The following TNS1 variants were observed in gnomAD, a reference collection of about 807,000 sequenced individuals.
TNS1 encodes tensin 1, also known as tensin-1.
TNS1 carries 62 observed loss-of-function variants against 168.6 expected under a neutral mutation model. That is an observed-to-expected ratio of 0.37 (90% CI 0.30 to 0.45). TNS1 has a LOEUF of 0.45. Among genes scored for constraint, TNS1 ranks in the 20% least tolerant of loss-of-function variants. TNS1 has a pLI of 1.00. For synonymous variants in TNS1, 934 were observed against 933.2 expected (o/e 1.00, Z -0.02); for missense variants, 2,240 against 2,339.4 (o/e 0.96, Z 0.88).
intron 18 of TNS1, among the ~76,000 whole-genome samples, chr2:217,865,287 C>T (rs1949172437): frequency 6.6e-6 from 1 of 152,184 alleles, no homozygotes; most frequent in Non-Finnish European, 1.5e-5. Context: ...TAGGGCTAGG[C>T]TGAAAGTGAC....
At chr2:217,809,753 T>G in intron 30 of TNS1, 70 bp downstream of exon 30, 1 of 1,485,538 alleles carries the variant, frequency 6.7e-7, no homozygotes, top group Non-Finnish European at 9.2e-7. Flanking sequence ...GGTAAATGTG[T>G]GGGTACACGG....
chr2:217,884,112 C>T (rs4674221), intron 16 of TNS1, among the ~76,000 whole-genome samples: 34,094 of 122,406 alleles, frequency 0.28, 4,046 homozygotes, highest in Middle Eastern at 0.45. Context: ...CATACAGACA[C>T]ACAAGTGATG....
intron 20 of TNS1, 47 bp downstream of exon 20, chr2:217,835,968 G>T (rs368765753): frequency 1.1e-5 from 16 of 1,519,256 alleles, no homozygotes; most frequent in Non-Finnish European, 1.4e-5. Flanking sequence ...GATTTAAAGT[G>T]GGCACCACTA....
At chr2:217,987,009 A>C (rs2126073472) in intron 2 of TNS1, 1 of 152,292 alleles carries the variant, frequency 6.6e-6, no homozygotes, top group African/African-American at 2.4e-5. Context: ...GGCCCTCCCC[A>C]CTGTCAGGGC....
rs770996297 is a variant in TNS1, at chr2:217,808,684, C to T, written c.5274-13G>A. The T allele has an allele frequency of 8.1e-6, 13 of 1,613,720 alleles. No individual in the cohort carries two copies. In the Admixed American group the frequency reaches 2.0e-4, roughly 25 times the overall value. On this transcript the variant is annotated splice_polypyrimidine_tract_variant and intron_variant, in intron 30 of 32. Transcript: ENST00000682258. ...TCTGAAAAAGAGCCTGCAGCACAGA[C>T]ATCAGATAAACAGAGAATGAGTGCT...
At chr2:217,984,945 G>A (rs1423972108) in intron 2 of TNS1, among the ~76,000 whole-genome samples, 3 of 151,818 alleles carry the variant, frequency 2.0e-5, no homozygotes, top group African/African-American at 7.3e-5. Flanking sequence ...TCTAAGTAGA[G>A]AACGGGTTTC....
At chr2:217,973,165 G>C (rs1390182981) in intron 3 of TNS1, among the ~76,000 whole-genome samples, 1 of 151,938 alleles carries the variant, frequency 6.6e-6, no homozygotes, top group Admixed American at 6.6e-5. Flanking sequence ...ACCAGCCTGA[G>C]CAACATGGCG....
Position 217,813,944 on chromosome 2 carries a change from A to T in TNS1, c.4730-128T>A, listed in dbSNP as rs1941443919. On this transcript the variant is annotated intron_variant, in intron 25 of 32. Transcript: ENST00000682258. The surrounding 1 kb of genome is among the most constrained non-coding windows in gnomAD (Gnocchi z 4.0). ...GAGACAAATTTTCTTTAAAGTTAAA[A>T]TTTAACTACTCCTACGGGTCTTCCT... 3.5e-6 allele frequency: 4 copies of T among 1,157,702 alleles called. No individual in the cohort carries two copies. Among genetic ancestry groups the T allele is most frequent in the Non-Finnish European group, 4.6e-6 (4 of 865,396 alleles). The allele number at this position is 1,157,702 out of a possible 1,614,324, so 71.7% of individuals were successfully genotyped here.
chr2:217,979,912 T>G (rs1250915355), intron 2 of TNS1, among the ~76,000 whole-genome samples: 1 of 152,068 alleles, frequency 6.6e-6, no homozygotes, highest in African/African-American at 2.4e-5. Flanking sequence ...CCCCACCCCC[T>G]TCCAGCTTTG....
chr2:218,030,163 G>T (rs1958880558), intron 1 of TNS1, among the ~76,000 whole-genome samples: 2 of 152,128 alleles, frequency 1.3e-5, no homozygotes, highest in Non-Finnish European at 2.9e-5. Context: ...CACAGCATGT[G>T]TGCTAGGGCT....
At position 217,830,831 on chromosome 2, in the gene TNS1, C is replaced by T. The variant is rs114109290; in HGVS notation, c.3373+624G>A. The stretch of plus-strand genomic sequence containing the variant: ...GGTCCTTTGACAGTCAGGAGAAGAC[C>T]TGGGCTGAGGGCAAGGGGATCGAGG... On this transcript the variant is annotated intron_variant, in intron 22 of 32. Transcript: ENST00000682258. 8.0e-3 allele frequency among the ~76,000 whole-genome samples: 1,217 copies of T among 152,306 alleles called. 19 individuals carry two copies. The highest frequency in any genetic ancestry group is 0.028 in the African/African-American group (1,155 of 41,552).
chr2:217,871,314 A>G (rs1949755690), intron 18 of TNS1, among the ~76,000 whole-genome samples: 1 of 151,950 alleles, frequency 6.6e-6, no homozygotes, highest in African/African-American at 2.4e-5. Context: ...TACTGCCCCC[A>G]CCACCTTGAA....
In TNS1 at chr2:217,978,900, C is replaced by CTGGAAGGAAGGA. The variant is rs1349288618; in HGVS notation, c.149-99_149-98insTCCTTCCTTCCA. ...CCCACCCCAGCCCGCAATCCGCGCT[C>CTGGAAGGAAGGA]GGGAAGGAAGGAGGGAAGGAGGGAC... On this transcript the variant is annotated intron_variant, in intron 2 of 32. Transcript: ENST00000682258. The CTGGAAGGAAGGA allele has an allele frequency of 1.1e-4, 75 of 689,880 alleles. No homozygotes were observed. In the African/African-American group the frequency reaches 1.2e-3, roughly 11 times the overall value. The allele number at this position is 689,880 out of a possible 1,614,324, so 42.7% of individuals were successfully genotyped here.
intron 18 of TNS1, among the ~76,000 whole-genome samples, chr2:217,862,793 C>T (rs755459427): frequency 2.6e-5 from 4 of 152,208 alleles, no homozygotes; most frequent in Non-Finnish European, 4.4e-5. Context: ...GAGATGGGTG[C>T]TCAGAGACTG....
intron 3 of TNS1, among the ~76,000 whole-genome samples, chr2:217,954,514 A>C (rs2125985367): frequency 6.6e-6 from 1 of 152,286 alleles, no homozygotes; most frequent in Middle Eastern, 3.4e-3. Flanking sequence ...GATTATCACC[A>C]TGATAAACAG....
chr2:218,023,612 C>T (rs1958828034), intron 1 of TNS1, among the ~76,000 whole-genome samples: 1 of 152,228 alleles, frequency 6.6e-6, no homozygotes, highest in South Asian at 2.1e-4. Flanking sequence ...GCACCTACTT[C>T]ATGCTGGGAA....
chr2:217,925,264 G>A (rs899384556), intron 3 of TNS1, among the ~76,000 whole-genome samples: 3 of 152,026 alleles, frequency 2.0e-5, no homozygotes, highest in African/African-American at 7.2e-5. Context: ...TTTATGGTCT[G>A]TGGACTCCAG....
In TNS1 at chr2:217,948,947, A is replaced by C. The variant is rs923608832; in HGVS notation, c.187-28711T>G. On this transcript the variant is annotated intron_variant, in intron 3 of 32. Coordinates refer to ENST00000682258, the MANE Select transcript of TNS1 (RefSeq NM_001387777.1). This position sits in a 1 kb window ranked among gnomAD's most constrained non-coding sequence, Gnocchi z 4.1. ...ATTCCAGCTTCCTACTCAGATTTGTACCATAGTGTCAGGGCAGAGGATGGA... is the reference window on the plus strand; with the variant it reads ...ATTCCAGCTTCCTACTCAGATTTGTCCCATAGTGTCAGGGCAGAGGATGGA... Among the ~76,000 whole-genome samples the C allele has an allele frequency of 1.3e-5, 2 of 152,168 alleles. No individual in the cohort carries two copies. Among genetic ancestry groups the C allele is most frequent in the Non-Finnish European group, 2.9e-5 (2 of 68,034 alleles).
upstream of TNS1, among the ~76,000 whole-genome samples, chr2:218,013,626 A>T (rs555387683): frequency 6.6e-6 from 1 of 152,042 alleles, no homozygotes. Flanking sequence ...CCCCCTGCTC[A>T]TGTGACATGG....
Sources: gnomAD v4.1 joint callset for allele counts (sites outside exome capture counted in the v4.1 genomes callset) on GRCh38, gnomAD v4.1.1 for gene constraint, Gnocchi (gnomAD v3.1) non-coding constraint, MANE v1.5 for transcripts, NCBI Gene and HGNC (gene_info 2026-07-23, HGNC 2026-07-21) for gene names.